BCKDHB: variants seen among roughly 807,000 people sequenced by gnomAD.
The protein encoded by BCKDHB is branched chain keto acid dehydrogenase E1 subunit beta.
A neutral mutation model predicts 48.5 loss-of-function variants in BCKDHB; 41 were observed. That is an observed-to-expected ratio of 0.85 (90% confidence interval 0.66 to 1.10). The LOEUF (loss-of-function observed/expected upper bound fraction) is 1.10, where lower values mean the gene tolerates loss of function less well. Ranked by LOEUF, BCKDHB falls within the 50% of genes least tolerant of loss-of-function variation. The pLI is 0.00. For synonymous variants in BCKDHB, 201 were observed against 174.8 expected (o/e 1.15, Z -1.18); for missense variants, 496 against 494.2 (o/e 1.00, Z -0.03).
intron 3 of BCKDHB, among the ~76,000 whole-genome samples, chr6:80,159,617 G>A (rs577547090): frequency 2.6e-5 from 4 of 152,208 alleles, no homozygotes; most frequent in East Asian, 1.9e-4. Flanking sequence ...AAACAAATGC[G>A]TTTTATCTTT....
In BCKDHB at chr6:80,324,104, C is replaced by T. The variant is rs148852021; in HGVS notation, c.1039-19560C>T. On this transcript the variant is annotated intron_variant, in intron 9 of 9. Coordinates refer to ENST00000320393, the MANE Select transcript of BCKDHB (RefSeq NM_183050.4). ...ATTTTTTATATATGGTGACTTTCCC[C>T]CACCCTTTCATCTTACAGTAGAGGC... 2.6e-3 allele frequency among the ~76,000 whole-genome samples: 394 copies of T among 152,158 alleles called. 2 individuals carry two copies. The highest frequency in any genetic ancestry group is 9.0e-3 in the African/African-American group (375 of 41,526).
chr6:80,226,616 G>A (rs1434690491), intron 8 of BCKDHB, among the ~76,000 whole-genome samples: 2 of 152,166 alleles, frequency 1.3e-5, no homozygotes, highest in African/African-American at 4.8e-5. Flanking sequence ...TTTACCAATT[G>A]TGTCTCTAAA....
At chr6:80,441,356 A>AT in the BCKDHB span, among the ~76,000 whole-genome samples, 1 of 152,144 alleles carries the variant, frequency 6.6e-6, no homozygotes, top group South Asian at 2.1e-4. Context: ...ATGTGTATGT[A>AT]TGTCCTCTTG....
chr6:80,216,054 A>G (rs950910499), intron 8 of BCKDHB, among the ~76,000 whole-genome samples: 1 of 152,204 alleles, frequency 6.6e-6, no homozygotes, highest in East Asian at 1.9e-4. Flanking sequence ...TATCTTACAT[A>G]ATAGGACTTA....
the BCKDHB span, among the ~76,000 whole-genome samples, chr6:80,409,892 A>G: frequency 1.3e-4 from 19 of 151,748 alleles, no homozygotes; most frequent in African/African-American, 4.8e-5. Flanking sequence ...GCCAGTCTGT[A>G]TCTTTTAATT....
chr6:80,436,251 CG>C, the BCKDHB span, among the ~76,000 whole-genome samples: 7 of 149,358 alleles, frequency 4.7e-5, no homozygotes, highest in African/African-American at 1.7e-4. Flanking sequence ...CTCTGCCCCC[CG>C]GGTTCACGCC....
chr6:80,464,229 GTGAT>G, the BCKDHB span, among the ~76,000 whole-genome samples: 1 of 152,246 alleles, frequency 6.6e-6, no homozygotes, highest in South Asian at 2.1e-4. Context: ...CTGGGTTCAA[GTGAT>G]TCTCCTGCCT....
the BCKDHB span, among the ~76,000 whole-genome samples, chr6:80,442,671 A>T: frequency 6.6e-6 from 1 of 152,266 alleles, no homozygotes; most frequent in African/African-American, 2.4e-5. Flanking sequence ...AAGATATCAG[A>T]GTCCCCTCAC....
rs1391536085 is a variant in BCKDHB at position 80,344,318 on chromosome 6, A to G, written c.*514A>G. ...CTGCACCTGGCTATATTTACATTTA[A>G]TAGAAACATATCTAGCATATGTATA... On this transcript the variant is annotated 3_prime_UTR_variant, in exon 10 of 10. Coordinates refer to ENST00000320393, the MANE Select transcript of BCKDHB (RefSeq NM_183050.4). The G allele has an allele frequency of 5.7e-6, 1 of 176,500 alleles. No individual in the cohort carries two copies. The highest frequency in any genetic ancestry group is 2.5e-5 in the African/African-American group (1 of 40,132). The allele number at this position is 176,500 out of a possible 1,614,324, so 10.9% of individuals were successfully genotyped here.
At chr6:80,297,060 T>C (rs1767293141) in intron 9 of BCKDHB, among the ~76,000 whole-genome samples, 1 of 152,182 alleles carries the variant, frequency 6.6e-6, no homozygotes. Flanking sequence ...AGGTACTAGG[T>C]GTGGAGTCTA....
the BCKDHB span, among the ~76,000 whole-genome samples, chr6:80,373,430 T>A: frequency 6.6e-6 from 1 of 152,074 alleles, no homozygotes; most frequent in Non-Finnish European, 1.5e-5. Context: ...TATTATCTTT[T>A]TTGTTGTTGT....
In BCKDHB at chr6:80,310,414, C is replaced by T. The variant is rs139749146; in HGVS notation, c.1039-33250C>T. 9.5e-3 allele frequency among the ~76,000 whole-genome samples: 1,448 copies of T among 152,260 alleles called. 27 individuals carry two copies. Among genetic ancestry groups the T allele is most frequent in the African/African-American group, 0.033 (1,361 of 41,538 alleles). The stretch of plus-strand genomic sequence containing the variant: ...AATCGCTTCCAGCTCCATCCATGTC[C>T]CTGCAAAGGACATGATCTTGTTCTG... On this transcript the variant is annotated intron_variant, in intron 9 of 9. Coordinates refer to ENST00000320393, the MANE Select transcript of BCKDHB (RefSeq NM_183050.4).
the BCKDHB span, among the ~76,000 whole-genome samples, chr6:80,420,324 A>G: frequency 6.6e-6 from 1 of 152,138 alleles, no homozygotes; most frequent in Non-Finnish European, 1.5e-5. Context: ...GGCCTTCTAC[A>G]TATTCTGGTA....
chr6:80,431,726 A>C, the BCKDHB span, among the ~76,000 whole-genome samples: 2 of 152,080 alleles, frequency 1.3e-5, no homozygotes, highest in African/African-American at 4.8e-5. Context: ...TTTGCAGGTG[A>C]GATGTGTCTC....
At chr6:80,175,195 T>C (rs1424803834) in intron 6 of BCKDHB, among the ~76,000 whole-genome samples, 2 of 152,108 alleles carry the variant, frequency 1.3e-5, no homozygotes, top group Non-Finnish European at 2.9e-5. Flanking sequence ...GTATTTCAGC[T>C]ACCAGGAAGG....
intron 9 of BCKDHB, among the ~76,000 whole-genome samples, chr6:80,318,468 C>T (rs370864212): frequency 1.3e-5 from 2 of 152,040 alleles, no homozygotes; most frequent in East Asian, 1.9e-4. Context: ...AAGTGGATCA[C>T]CTGAGGTCAG....
chr6:80,427,607 TC>T, the BCKDHB span, among the ~76,000 whole-genome samples: 1 of 152,182 alleles, frequency 6.6e-6, no homozygotes, highest in African/African-American at 2.4e-5. Context: ...CCTGAATATT[TC>T]CTTTAATATT....
chr6:80,342,822 TA>T (rs1769986632), intron 9 of BCKDHB, among the ~76,000 whole-genome samples: 2 of 152,238 alleles, frequency 1.3e-5, no homozygotes, highest in East Asian at 3.9e-4. Context: ...TTTACTTGAG[TA>T]ACATTTTTTT....
downstream of BCKDHB, chr6:80,346,275 G>C (rs918047104): frequency 6.6e-6 from 1 of 152,054 alleles, no homozygotes; most frequent in Admixed American, 6.6e-5. Context: ...ATTGTCTTTG[G>C]GTTGTATGTG....
Sources: allele counts gnomAD v4.1 joint callset (sites outside exome capture counted in the v4.1 genomes callset), GRCh38; gene constraint gnomAD v4.1.1; transcripts MANE v1.5; gene names NCBI Gene and HGNC (gene_info 2026-07-23, HGNC 2026-07-21).